RCL1: variants seen among roughly 807,000 people sequenced by gnomAD.
RCL1 encodes the protein RNA terminal phosphate cyclase like 1.
RCL1 carries 24 observed loss-of-function variants against 42.4 expected under a neutral mutation model. The observed-to-expected ratio is 0.57, with a 90% CI of 0.41 to 0.80. The LOEUF (loss-of-function observed/expected upper bound fraction) is 0.80, where lower values mean the gene tolerates loss of function less well. Among genes scored for constraint, RCL1 ranks in the 30% least tolerant of loss-of-function variants. The pLI is 0.00. For synonymous variants in RCL1, 228 were observed against 177.3 expected (o/e 1.29, Z -2.27); for missense variants, 578 against 467.9 (o/e 1.24, Z -2.17).
At chr9:4,823,864 A>G (rs574936541) in intron 2 of RCL1, among the ~76,000 whole-genome samples, 2 of 152,256 alleles carry the variant, frequency 1.3e-5, no homozygotes, top group African/African-American at 2.4e-5. Context: ...TTATATGAGG[A>G]AGCTGTGAGT....
At chr9:4,842,388 T>G (rs978312000) in intron 6 of RCL1, among the ~76,000 whole-genome samples, 1 of 152,154 alleles carries the variant, frequency 6.6e-6, no homozygotes, top group Admixed American at 6.5e-5. Flanking sequence ...CCTTTGACCT[T>G]TATAAGGCCC....
At chr9:4,821,423 T>C (rs899258795) in intron 1 of RCL1, among the ~76,000 whole-genome samples, 2 of 152,204 alleles carry the variant, frequency 1.3e-5, no homozygotes, top group Non-Finnish European at 2.9e-5. Context: ...TCCTAGCCTT[T>C]TGTAAAATGG....
At chr9:4,859,769 G>C (rs1464876821) in intron 8 of RCL1, among the ~76,000 whole-genome samples, 1 of 152,164 alleles carries the variant, frequency 6.6e-6, no homozygotes, top group Non-Finnish European at 1.5e-5. Flanking sequence ...CTTGAGGCCA[G>C]TTTGGGCAAC....
chr9:4,851,464 A>G (rs456057), intron 8 of RCL1, among the ~76,000 whole-genome samples: 136,677 of 152,090 alleles, frequency 0.9, 61,503 homozygotes, highest in East Asian at 1. Context: ...CCTAATCACT[A>G]TGGACAGCTC....
rs1817048512 is a variant in RCL1, at chr9:4,834,281, A to G, written c.584+16A>G. On this transcript the variant is annotated intron_variant, in intron 5 of 8. Transcript: ENST00000381750. ...GAGGAATGGCGTATCCTTTCCATTT[A>G]TTTGGATTTCTTTTTTTTTTGTTGT... 2 of 1,597,808 alleles carry G rather than the reference A, an allele frequency of 1.3e-6. No homozygotes were observed. Among genetic ancestry groups the G allele is most frequent in the Admixed American group, 1.7e-5 (1 of 58,302 alleles).
chr9:4,856,256 C>G (rs1411962981), intron 8 of RCL1, among the ~76,000 whole-genome samples: 1 of 152,156 alleles, frequency 6.6e-6, no homozygotes, highest in East Asian at 1.9e-4. Context: ...GCAACAACGA[C>G]AACAGAAATT....
At chr9:4,851,894 T>TTTTTTG (rs1244641313) in intron 8 of RCL1, among the ~76,000 whole-genome samples, 1 of 149,664 alleles carries the variant, frequency 6.7e-6, no homozygotes, top group Admixed American at 6.6e-5. Context: ...TCTTTTTTTT[T>TTTTTTG]TTTTGAGACA....
intron 6 of RCL1, among the ~76,000 whole-genome samples, chr9:4,843,128 A>T (rs1436672937): frequency 1.3e-5 from 2 of 152,228 alleles, no homozygotes; most frequent in African/African-American, 4.8e-5. Flanking sequence ...TGGTTTTTTT[A>T]AATCTCCAGT....
At position 4,850,213 on chromosome 9, in the gene RCL1, C is replaced by T. The variant is rs115462742; in HGVS notation, c.971+663C>T. 1.7e-3 allele frequency: 809 copies of T among 489,428 alleles called. 9 individuals are homozygous for T. Among genetic ancestry groups the T allele is most frequent in the African/African-American group, 0.015 (753 of 51,462 alleles). 30.3% of individuals were successfully genotyped at this position (489,428 alleles called of 1,614,324 possible). ...CATTGTGTGTGTGTGTTTTCACGTG[C>T]TTGCATACTTGGAGATCATCATATG... On this transcript the variant is annotated intron_variant, in intron 8 of 8. Coordinates refer to ENST00000381750, the MANE Select transcript of RCL1 (RefSeq NM_005772.5).
intron 8 of RCL1, among the ~76,000 whole-genome samples, chr9:4,850,959 C>G (rs747096586): frequency 2.0e-5 from 3 of 152,140 alleles, no homozygotes; most frequent in Middle Eastern, 6.8e-3. Flanking sequence ...TGTGTGTGGT[C>G]CTGGGGCATG....
At chr9:4,849,209 ATCTGATAGTCTCAT>A (rs1587730958) in intron 7 of RCL1, among the ~76,000 whole-genome samples, 1 of 149,550 alleles carries the variant, frequency 6.7e-6, no homozygotes, top group Admixed American at 6.7e-5. Context: ...GAAGATTTGA[ATCTGATAGTCTCAT>A]TCTGATAGTC....
chr9:4,815,065 A>G (rs1186623849), intron 1 of RCL1, among the ~76,000 whole-genome samples: 1 of 151,860 alleles, frequency 6.6e-6, no homozygotes, highest in Non-Finnish European at 1.5e-5. Flanking sequence ...TTCACTTTTG[A>G]CAGTTTAACT....
At chr9:4,827,698 G>T (rs1816805263) in intron 3 of RCL1, among the ~76,000 whole-genome samples, 1 of 151,456 alleles carries the variant, frequency 6.6e-6, no homozygotes, top group Non-Finnish European at 1.5e-5. Flanking sequence ...TTTTTATTGT[G>T]ATCACAACTG....
chr9:4,855,965 G>T (rs1028259012), intron 8 of RCL1, among the ~76,000 whole-genome samples: 2 of 152,174 alleles, frequency 1.3e-5, no homozygotes, highest in African/African-American at 4.8e-5. Flanking sequence ...GCTGGGGAGG[G>T]TGTCTGGTTT....
intron 1 of RCL1, among the ~76,000 whole-genome samples, chr9:4,816,236 G>A (rs1816371836): frequency 6.6e-6 from 1 of 151,958 alleles, no homozygotes; most frequent in Non-Finnish European, 1.5e-5. Context: ...GGTATATTCT[G>A]GATATGTTAA....
chr9:4,831,997 G>C (rs1287406701), intron 3 of RCL1, among the ~76,000 whole-genome samples: 2 of 152,304 alleles, frequency 1.3e-5, no homozygotes, highest in South Asian at 2.1e-4. Context: ...CTTCTGTGTG[G>C]TGCCTGCCCT....
intron 8 of RCL1, among the ~76,000 whole-genome samples, chr9:4,851,560 A>C (rs1817749211): frequency 6.6e-6 from 1 of 152,236 alleles, no homozygotes; most frequent in South Asian, 2.1e-4. Context: ...AGGATAAAAA[A>C]GGGATGAAAT....
At chr9:4,831,462 A>T (rs1189402618) in intron 3 of RCL1, among the ~76,000 whole-genome samples, 1 of 152,076 alleles carries the variant, frequency 6.6e-6, no homozygotes, top group African/African-American at 2.4e-5. Flanking sequence ...GCATATATTA[A>T]GTTTTTGAGT....
chr9:4,834,786 G>T (rs573444799), intron 5 of RCL1, among the ~76,000 whole-genome samples: 4 of 152,146 alleles, frequency 2.6e-5, no homozygotes, highest in African/African-American at 9.7e-5. Flanking sequence ...TACTTCAGTA[G>T]TCACTTTACA....
Sources: gnomAD v4.1 joint callset for allele counts (sites outside exome capture counted in the v4.1 genomes callset) on GRCh38, gnomAD v4.1.1 for gene constraint, MANE v1.5 for transcripts, NCBI Gene and HGNC (gene_info 2026-07-23, HGNC 2026-07-21) for gene names.